RNF220: variants seen among roughly 807,000 people sequenced by gnomAD.
RNF220 encodes ring finger protein 220, also known as E3 ubiquitin-protein ligase RNF220.
In RNF220, 7 loss-of-function variants were observed where a neutral mutation model predicts 67.1. The observed-to-expected ratio is 0.10, with a 90% CI of 0.06 to 0.20. The LOEUF is 0.20. RNF220 is among the 10% of genes least tolerant of loss of function. The pLI is 1.00. For synonymous variants in RNF220, 270 were observed against 283.2 expected, an observed-to-expected ratio of 0.95 and a Z score of 0.47; for missense variants, 565 against 740.3, an observed-to-expected ratio of 0.76 and a Z score of 2.75.
chr1:44,494,062 C>T (rs540826322), intron 2 of RNF220, among the ~76,000 whole-genome samples: 6 of 151,964 alleles, frequency 3.9e-5, no homozygotes, highest in Admixed American at 6.6e-5. Flanking sequence ...CAAAATTAGC[C>T]GGGCATGGTG....
intron 8 of RNF220, chr1:44,636,443 A>G (rs1327354201): frequency 4.2e-6 from 3 of 717,738 alleles, no homozygotes; most frequent in Non-Finnish European, 7.8e-6. Context: ...GGTGACAGCC[A>G]AGCCGCGTTA....
At chr1:44,596,947 C>T (rs1666541009) in intron 2 of RNF220, among the ~76,000 whole-genome samples, 2 of 152,156 alleles carry the variant, frequency 1.3e-5, no homozygotes, top group African/African-American at 4.8e-5. Context: ...ATAATTAATA[C>T]TATGGCTCAG....
intron 2 of RNF220, among the ~76,000 whole-genome samples, chr1:44,608,422 A>G (rs1267777248): frequency 1.3e-5 from 2 of 152,190 alleles, no homozygotes; most frequent in Admixed American, 6.5e-5. Context: ...GTGAGTGGGT[A>G]GGTAGGTAGG....
chr1:44,648,355 G>A (rs1644704624), intron 12 of RNF220: 1 of 152,182 alleles, frequency 6.6e-6, no homozygotes, highest in Non-Finnish European at 1.5e-5. Flanking sequence ...TACAATCTCT[G>A]GCATTTAGTA....
At chr1:44,472,788 A>G (rs1465069125) in intron 2 of RNF220, among the ~76,000 whole-genome samples, 2 of 152,180 alleles carry the variant, frequency 1.3e-5, no homozygotes, top group East Asian at 3.8e-4. Context: ...TTGTCAAACT[A>G]GTCTGCAACA....
rs200107106 is a variant in RNF220 at position 44,422,939 on chromosome 1, A to ATTAG, written c.625+10219_625+10220insAGTT. On this transcript the variant is annotated intron_variant, in intron 2 of 14. Coordinates refer to ENST00000361799, the MANE Select transcript of RNF220 (RefSeq NM_018150.4). ...ATCATTGGTCAAATGTGATGCACTCATTGGTTTAATCATTCAGCTGTATTT... is the reference window on the plus strand; with the variant it reads ...ATCATTGGTCAAATGTGATGCACTCATTAGTTGGTTTAATCATTCAGCTGTATTT... Among the ~76,000 whole-genome samples, 1,268 of 152,302 alleles carry ATTAG rather than the reference A, an allele frequency of 8.3e-3. 18 individuals carry two copies. The highest frequency in any genetic ancestry group is 0.029 in the African/African-American group (1,219 of 41,546).
intron 2 of RNF220, among the ~76,000 whole-genome samples, chr1:44,551,269 C>G (rs1662608546): frequency 6.6e-6 from 1 of 152,022 alleles, no homozygotes; most frequent in African/African-American, 2.4e-5. Flanking sequence ...CACGGGCCAC[C>G]ACGCCTGGCT....
intron 2 of RNF220, among the ~76,000 whole-genome samples, chr1:44,605,030 G>A (rs192155059): frequency 6.5e-4 from 99 of 152,260 alleles, no homozygotes; most frequent in Admixed American, 2.9e-3. Flanking sequence ...GGCCGGGCGC[G>A]GTGGCTCATG....
chr1:44,585,158 G>A (rs1158762900), intron 2 of RNF220, among the ~76,000 whole-genome samples: 1 of 152,152 alleles, frequency 6.6e-6, no homozygotes, highest in Non-Finnish European at 1.5e-5. Context: ...CCCAGGCCCC[G>A]TGGGTTTCCT....
At chr1:44,590,743 T>A (rs961755103) in intron 2 of RNF220, among the ~76,000 whole-genome samples, 6 of 152,294 alleles carry the variant, frequency 3.9e-5, no homozygotes, top group African/African-American at 1.4e-4. Context: ...CACTAATTCA[T>A]TCATTTGATG....
chr1:44,527,043 C>T lies in RNF220; in HGVS notation c.626-87122C>T, dbSNP rs889284002. 3.9e-5 allele frequency among the ~76,000 whole-genome samples: 6 copies of T among 152,006 alleles called. 1 individual carries two copies. Among genetic ancestry groups the T allele is most frequent in the Admixed American group, 3.3e-4 (5 of 15,240 alleles). On this transcript the variant is annotated intron_variant, in intron 2 of 14. Transcript: ENST00000361799. ...ACTGCTTCACTTCTCTCCTTACTTA[C>T]GCATCTTCCCGGGGTGAGCTCATCA... is the stretch of plus-strand genomic sequence containing the variant.
chr1:44,448,964 G>A (rs1407195875), intron 2 of RNF220, among the ~76,000 whole-genome samples: 2 of 152,194 alleles, frequency 1.3e-5, no homozygotes, highest in Non-Finnish European at 2.9e-5. Flanking sequence ...CTCTAGCTCT[G>A]TCCTCTCCAA....
intron 2 of RNF220, among the ~76,000 whole-genome samples, chr1:44,431,648 T>G (rs1284123495): frequency 6.6e-6 from 1 of 152,212 alleles, no homozygotes; most frequent in African/African-American, 2.4e-5. Flanking sequence ...TTTTCTCCAC[T>G]TAAGTTGGCG....
At chr1:44,418,438 G>A (rs552571159) in intron 2 of RNF220, among the ~76,000 whole-genome samples, 1 of 152,126 alleles carries the variant, frequency 6.6e-6, no homozygotes, top group Non-Finnish European at 1.5e-5. Context: ...GAATGTTTCC[G>A]AAGTCCAGGG....
chr1:44,415,525 G>T (rs186588051), intron 2 of RNF220, among the ~76,000 whole-genome samples: 1 of 150,552 alleles, frequency 6.6e-6, no homozygotes. Context: ...ACACACACAC[G>T]TGTATATATG....
At chr1:44,406,846 C>G (rs1297352854) in intron 1 of RNF220, among the ~76,000 whole-genome samples, 1 of 152,252 alleles carries the variant, frequency 6.6e-6, no homozygotes, top group Non-Finnish European at 1.5e-5. Flanking sequence ...TGAGGCCATC[C>G]GAGGGGATGC....
At chr1:44,509,885 CA>C (rs57479392) in intron 2 of RNF220, among the ~76,000 whole-genome samples, 22 of 106,106 alleles carry the variant, frequency 2.1e-4, no homozygotes, top group African/African-American at 8.4e-4. Context: ...AGACCCTGTC[CA>C]AAAAAAAAAA....
intron 7 of RNF220, 123 bp from the exon 8 acceptor site, chr1:44,635,907 C>T: frequency 6.6e-7 from 1 of 1,513,768 alleles, no homozygotes; most frequent in South Asian, 1.2e-5. Flanking sequence ...TTCAAAGGAG[C>T]CCTAGAGCTG....
Position 44,434,813 on chromosome 1 carries a change from G to T in RNF220, c.625+22091G>T, listed in dbSNP as rs1350963024. On this transcript the variant is annotated intron_variant, in intron 2 of 14. Coordinates refer to ENST00000361799, the MANE Select transcript of RNF220 (RefSeq NM_018150.4). Reference sequence around the variant, plus strand: ...AGACTTGTGAAAAGGCCATTGCACAGTAGTTTGAAACCACCTGGGCAACAT... The same window carrying T: ...AGACTTGTGAAAAGGCCATTGCACATTAGTTTGAAACCACCTGGGCAACAT... Among the ~76,000 whole-genome samples the T allele has an allele frequency of 2.0e-5, 3 of 151,092 alleles. No homozygotes were observed. The East Asian group carries it at 5.8e-4, about 29-fold the overall frequency.
Sources: gnomAD v4.1 joint callset for allele counts (sites outside exome capture counted in the v4.1 genomes callset) on GRCh38, gnomAD v4.1.1 for gene constraint, MANE v1.5 for transcripts, NCBI Gene and HGNC (gene_info 2026-07-23, HGNC 2026-07-21) for gene names.